Variants in PRMT8 observed in about 807,000 individuals in gnomAD.
PRMT8 encodes the protein protein arginine N-methyltransferase 8.
In PRMT8, 7 loss-of-function variants were observed where a neutral mutation model predicts 47.1. That is an observed-to-expected ratio of 0.15 (90% CI 0.08 to 0.28). PRMT8 has a LOEUF of 0.28. Ranked by LOEUF, PRMT8 falls within the 10% of genes least tolerant of loss-of-function variation. The pLI is 1.00. For synonymous variants in PRMT8, 188 were observed against 186.5 expected (o/e 1.01, Z -0.07); for missense variants, 237 against 505.4 (o/e 0.47, Z 5.09).
At chr12:3,431,187 G>A (rs1156398916) in intron 1 of PRMT8, among the ~76,000 whole-genome samples, 2 of 152,178 alleles carry the variant, frequency 1.3e-5, no homozygotes, top group Non-Finnish European at 2.9e-5. Context: ...ATACCCTTTT[G>A]CATTTCAGAG....
At chr12:3,491,094 C>A, upstream of PRMT8, 1 of 900,624 alleles carries the variant, frequency 1.1e-6, no homozygotes, top group Non-Finnish European at 1.3e-6. Flanking sequence ...GGCCCGGGGG[C>A]GCTGGGGGCC....
rs990479572 is a variant in PRMT8, at chr12:3,443,271, A to C, written c.48+61829A>C. 1.3e-5 allele frequency among the ~76,000 whole-genome samples: 2 copies of C among 152,216 alleles called. 1 individual carries two copies. The highest frequency in any genetic ancestry group is 4.8e-5 in the African/African-American group (2 of 41,444). ...GTGTTATGGATCCAGTGATAGCATT[A>C]AACTTTATAAGCTATTAATAACCAA... On this transcript the variant is annotated intron_variant, in intron 1 of 9. Transcript: ENST00000452611.
At chr12:3,391,788 T>A (rs1166634853) in intron 1 of PRMT8, among the ~76,000 whole-genome samples, 5 of 152,152 alleles carry the variant, frequency 3.3e-5, no homozygotes, top group Non-Finnish European at 5.9e-5. Flanking sequence ...TTTCAATACA[T>A]GGCCATCAAA....
intron 1 of PRMT8, among the ~76,000 whole-genome samples, chr12:3,443,294 C>A (rs907194485): frequency 6.6e-6 from 1 of 152,168 alleles, no homozygotes; most frequent in Admixed American, 6.5e-5. Flanking sequence ...TATTAATAAC[C>A]AAATTCACTA....
chr12:3,381,585 A>T (rs915782936), intron 1 of PRMT8: 5 of 754,436 alleles, frequency 6.6e-6, no homozygotes, highest in Non-Finnish European at 1.1e-5. Flanking sequence ...TTCTAAGTTC[A>T]TAACATGCTG....
At chr12:3,446,246 G>C (rs955400019) in intron 1 of PRMT8, among the ~76,000 whole-genome samples, 1 of 152,070 alleles carries the variant, frequency 6.6e-6, no homozygotes, top group Non-Finnish European at 1.5e-5. Flanking sequence ...TATTTTGCTT[G>C]GAAGGACAGA....
chr12:3,573,480 TTC>T (rs2137213718), intron 6 of PRMT8, among the ~76,000 whole-genome samples: 1 of 152,368 alleles, frequency 6.6e-6, no homozygotes, highest in African/African-American at 2.4e-5. Context: ...CTAAATTTGG[TTC>T]TATGACTTTT....
rs901610399 is a variant in PRMT8, at chr12:3,535,404, C to T, written c.76-5202C>T. 1.3e-5 allele frequency among the ~76,000 whole-genome samples: 2 copies of T among 152,146 alleles called. No homozygotes were observed. Among genetic ancestry groups the T allele is most frequent in the African/African-American group, 2.4e-5 (1 of 41,426 alleles). Reference sequence around the variant, plus strand: ...TGGGGGAGTCCTGATCAGCCGCTGGCGTGGTGAGTCGAAGGCAAATCACAA... The same window carrying T: ...TGGGGGAGTCCTGATCAGCCGCTGGTGTGGTGAGTCGAAGGCAAATCACAA... On this transcript the variant is annotated intron_variant, in intron 1 of 9. Coordinates refer to ENST00000382622, the MANE Select transcript of PRMT8 (RefSeq NM_019854.5). The surrounding 1 kb of genome is among the most constrained non-coding windows in gnomAD (Gnocchi z 4.7).
chr12:3,474,545 T>C (rs1312339088), intron 1 of PRMT8, among the ~76,000 whole-genome samples: 1 of 152,076 alleles, frequency 6.6e-6, no homozygotes, highest in African/African-American at 2.4e-5. Context: ...CCAGAGAAGC[T>C]GTGCCTCATC....
chr12:3,496,077 G>C (rs1471224246), intron 1 of PRMT8, among the ~76,000 whole-genome samples: 1 of 151,402 alleles, frequency 6.6e-6, no homozygotes, highest in East Asian at 1.9e-4. Flanking sequence ...CTGATACTTG[G>C]TGAAAGTCTG....
intron 2 of PRMT8, among the ~76,000 whole-genome samples, chr12:3,548,109 C>T (rs1866357607): frequency 6.6e-6 from 1 of 152,030 alleles, no homozygotes; most frequent in South Asian, 2.1e-4. Context: ...GTAAAGGTGA[C>T]AAGGTGATTA....
chr12:3,564,086 C>A lies in PRMT8; in HGVS notation c.482-4620C>A, dbSNP rs376733909. Among the ~76,000 whole-genome samples, 1 of 152,092 alleles carries A rather than the reference C, an allele frequency of 6.6e-6. No homozygotes were observed. Among genetic ancestry groups the A allele is most frequent in the Non-Finnish European group, 1.5e-5 (1 of 68,020 alleles). Reference sequence around the variant, plus strand: ...AGGAATGCATACGCTGGAGGTGAGCCGGGCCCTCCGCAGGTGCAAGGCAGC... The same window carrying A: ...AGGAATGCATACGCTGGAGGTGAGCAGGGCCCTCCGCAGGTGCAAGGCAGC... On this transcript the variant is annotated intron_variant, in intron 4 of 9. Transcript: ENST00000382622. This position sits in a 1 kb window ranked among gnomAD's most constrained non-coding sequence, Gnocchi z 4.0.
At chr12:3,478,968 A>G (rs1591562644) in intron 1 of PRMT8, among the ~76,000 whole-genome samples, 1 of 152,236 alleles carries the variant, frequency 6.6e-6, no homozygotes. Flanking sequence ...GTGCTGCTGT[A>G]AGCACCTGGG....
chr12:3,497,180 GGTAACTGAAAGCAGCCTCTGTGT>G (rs1865523493), intron 1 of PRMT8, among the ~76,000 whole-genome samples: 1 of 152,200 alleles, frequency 6.6e-6, no homozygotes, highest in African/African-American at 2.4e-5. Flanking sequence ...GAACAGCCAA[GGTAACTGAAAGCAGCCTCTGTGT>G]GTGAGAAGCA....
At chr12:3,460,752 G>A (rs189740291) in intron 1 of PRMT8, among the ~76,000 whole-genome samples, 33 of 152,260 alleles carry the variant, frequency 2.2e-4, no homozygotes, top group African/African-American at 4.1e-4. Flanking sequence ...TGGGGCTGTC[G>A]GATTTCAGAG....
At chr12:3,511,024 C>T (rs1865705219) in intron 1 of PRMT8, among the ~76,000 whole-genome samples, 2 of 152,212 alleles carry the variant, frequency 1.3e-5, no homozygotes, top group South Asian at 4.1e-4. Context: ...AAATGATCCC[C>T]ATCTATCTCA....
At chr12:3,532,332 C>T (rs929569466) in intron 1 of PRMT8, among the ~76,000 whole-genome samples, 6 of 149,268 alleles carry the variant, frequency 4.0e-5, no homozygotes, top group East Asian at 1.9e-4. Flanking sequence ...AAAAGTATTG[C>T]AATTAAGAAT....
chr12:3,547,584 C>G (rs1256430546), intron 2 of PRMT8, among the ~76,000 whole-genome samples: 1 of 152,152 alleles, frequency 6.6e-6, no homozygotes, highest in East Asian at 1.9e-4. Context: ...TCAAGACCAT[C>G]CTGGGCAACA....
At chr12:3,568,040 C>G (rs887377894) in intron 4 of PRMT8, among the ~76,000 whole-genome samples, 12 of 150,964 alleles carry the variant, frequency 7.9e-5, no homozygotes, top group Middle Eastern at 3.4e-3. Flanking sequence ...CCACTGCACT[C>G]CAGCCTGGGC....
Sources: allele counts gnomAD v4.1 joint callset (sites outside exome capture counted in the v4.1 genomes callset), GRCh38; gene constraint gnomAD v4.1.1; non-coding constraint Gnocchi (gnomAD v3.1); transcripts MANE v1.5; gene names NCBI Gene and HGNC (gene_info 2026-07-23, HGNC 2026-07-21).